The following PSD3 variants were observed in gnomAD, a reference collection of about 807,000 sequenced individuals.
The protein encoded by PSD3 is PH and SEC7 domain-containing protein 3.
In PSD3, 49 loss-of-function variants were observed where a neutral mutation model predicts 105.5. The ratio of observed to expected loss-of-function variants is 0.46; its 90% CI spans 0.37 to 0.59. The LOEUF (loss-of-function observed/expected upper bound fraction) is 0.59, where lower values mean the gene tolerates loss of function less well. PSD3 is among the 20% of genes least tolerant of loss of function. The pLI is 0.00. For missense variants in PSD3, 1,561 were observed against 1,263.8 expected (o/e 1.24, Z -3.57); for synonymous variants, 557 against 457.8 (o/e 1.22, Z -2.77).
Position 18,910,940 on chromosome 8 carries a change from T to TAA in PSD3, c.130+25092_130+25093dup, listed in dbSNP as rs541983680. ...TGTCTCTACATAAAATTCAAAAAAA[T>TAA]AAAAAAAAAAAAAATAAGTTAGCCA... is the stretch of plus-strand genomic sequence containing the variant. On this transcript the variant is annotated intron_variant, in intron 2 of 15. Coordinates refer to ENST00000327040, the MANE Select transcript of PSD3 (RefSeq NM_015310.4). 6.1e-4 allele frequency among the ~76,000 whole-genome samples: 83 copies of TAA among 136,268 alleles called. 2 individuals carry two copies. In the South Asian group the frequency reaches 0.018, roughly 30 times the overall value. The allele number at this position is 136,268 out of a possible 152,430, so 89.4% of individuals were successfully genotyped here. A position where few individuals can be genotyped will look rare whatever the true frequency, so the allele number is the denominator to read the frequency against.
intron 12 of PSD3, among the ~76,000 whole-genome samples, chr8:18,588,454 C>T (rs908446388): frequency 1.3e-5 from 2 of 152,102 alleles, no homozygotes; most frequent in African/African-American, 4.8e-5. Context: ...AACATGGCCA[C>T]CCTTTTGCAG....
intron 9 of PSD3, among the ~76,000 whole-genome samples, chr8:18,761,915 C>G (rs771991474): frequency 6.6e-6 from 1 of 152,148 alleles, no homozygotes; most frequent in Non-Finnish European, 1.5e-5. Context: ...ACCAGATGAT[C>G]TGGCCTATTT....
chr8:18,612,946 G>A (rs1805373750), intron 11 of PSD3, among the ~76,000 whole-genome samples: 1 of 152,082 alleles, frequency 6.6e-6, no homozygotes, highest in South Asian at 2.1e-4. Flanking sequence ...GCCAGGAGAC[G>A]GTTTCACTGG....
At chr8:18,699,858 TC>T (rs1801472365) in intron 9 of PSD3, among the ~76,000 whole-genome samples, 1 of 150,274 alleles carries the variant, frequency 6.7e-6, no homozygotes, top group South Asian at 2.1e-4. Flanking sequence ...AATAATGAGA[TC>T]CCCACCCAAA....
intron 1 of PSD3, among the ~76,000 whole-genome samples, chr8:18,964,330 C>T (rs1824113258): frequency 6.6e-6 from 1 of 152,056 alleles, no homozygotes; most frequent in South Asian, 2.1e-4. Flanking sequence ...CACTATGTTG[C>T]CCAAACTGGT....
chr8:18,820,856 C>G (rs1007803504), intron 4 of PSD3, among the ~76,000 whole-genome samples: 1 of 86,526 alleles, frequency 1.2e-5, no homozygotes, highest in South Asian at 5.2e-4. Flanking sequence ...TGGGCACAGG[C>G]AATCCTCCCT....
chr8:18,946,312 C>T (rs1490876914), intron 1 of PSD3, among the ~76,000 whole-genome samples: 2 of 152,160 alleles, frequency 1.3e-5, no homozygotes, highest in African/African-American at 4.8e-5. Flanking sequence ...TGCGGTGGCT[C>T]ATGCTGTAAT....
Position 18,867,563 on chromosome 8 carries a change from G to A in PSD3, c.1634+111C>T, listed in dbSNP as rs1043695839. 184 of 1,343,624 alleles carry A rather than the reference G, an allele frequency of 1.4e-4. 1 individual carries two copies. The highest frequency in any genetic ancestry group is 2.0e-4 in the Middle Eastern group (1 of 4,970). 83.2% of individuals were successfully genotyped at this position (1,343,624 alleles called of 1,614,324 possible). A position where few individuals can be genotyped will look rare whatever the true frequency, so the allele number is the denominator to read the frequency against. The stretch of plus-strand genomic sequence containing the variant: ...CTTTTTACTCACATCATTTGCTTAT[G>A]TCCACAGAAATTGGCCAAATGATTT... On this transcript the variant is annotated intron_variant, in intron 4 of 15. Coordinates refer to ENST00000327040, the MANE Select transcript of PSD3 (RefSeq NM_015310.4).
chr8:18,605,104 T>C (rs1804721016), intron 11 of PSD3, among the ~76,000 whole-genome samples: 1 of 152,128 alleles, frequency 6.6e-6, no homozygotes, highest in Non-Finnish European at 1.5e-5. Flanking sequence ...AAAGGGCCAT[T>C]GTCCTCCAGA....
At chr8:18,660,790 C>T (rs1438275621) in intron 9 of PSD3, among the ~76,000 whole-genome samples, 1 of 152,202 alleles carries the variant, frequency 6.6e-6, no homozygotes, top group Non-Finnish European at 1.5e-5. Flanking sequence ...ACTGTAATTT[C>T]TGTAACTTAA....
chr8:19,061,942 C>T (rs1005705459), intron 1 of PSD3, among the ~76,000 whole-genome samples: 1 of 152,150 alleles, frequency 6.6e-6, no homozygotes, highest in African/African-American at 2.4e-5. Context: ...AACTTCCCAA[C>T]AACTTTCCCT....
chr8:18,763,286 G>C (rs754988971), intron 9 of PSD3, among the ~76,000 whole-genome samples: 37 of 151,994 alleles, frequency 2.4e-4, no homozygotes, highest in Non-Finnish European at 5.1e-4. Flanking sequence ...CCTAATAAAG[G>C]TCATAATTTT....
intron 1 of PSD3, among the ~76,000 whole-genome samples, chr8:18,991,379 C>T (rs1215842540): frequency 2.7e-4 from 40 of 147,814 alleles, no homozygotes; most frequent in African/African-American, 7.6e-4. Context: ...CACATACACA[C>T]ACACACACAC....
chr8:18,846,770 A>T (rs1490781027), intron 4 of PSD3, among the ~76,000 whole-genome samples: 1 of 152,152 alleles, frequency 6.6e-6, no homozygotes, highest in African/African-American at 2.4e-5. Flanking sequence ...CTCACTTGCC[A>T]CATCTCTCTA....
In PSD3 at chr8:18,882,869, G is replaced by A. The variant is rs201375206; in HGVS notation, c.131-10136C>T. 1.1e-4 allele frequency among the ~76,000 whole-genome samples: 17 copies of A among 150,054 alleles called. No homozygotes were observed. In the East Asian group the frequency reaches 2.2e-3, roughly 19 times the overall value. On this transcript the variant is annotated intron_variant, in intron 2 of 15. Transcript: ENST00000327040. ...TATACACACACACACACACACGCAC[G>A]CACACACACACAGATATCCATATAT...
rs1799680223 is a variant in PSD3 at position 18,532,665 on chromosome 8, T to C, written c.*3078A>G. ...TTAGCAAAATGATGTTTCAAAAAAG[T>C]GCACTTCAGAAATGCCTACGGGCTG... On this transcript the variant is annotated 3_prime_UTR_variant, in exon 16 of 16. Transcript: ENST00000327040. 6.6e-6 allele frequency: 1 copy of C among 152,188 alleles called. No individual in the cohort carries two copies. Among genetic ancestry groups the C allele is most frequent in the Non-Finnish European group, 1.5e-5 (1 of 68,036 alleles). 9.4% of individuals were successfully genotyped at this position (152,188 alleles called of 1,614,324 possible).
intron 4 of PSD3, among the ~76,000 whole-genome samples, chr8:18,837,089 T>C (rs1212257678): frequency 6.6e-6 from 1 of 151,370 alleles, no homozygotes; most frequent in Non-Finnish European, 1.5e-5. Flanking sequence ...AAGGTAGGAG[T>C]GAGGAGCTAT....
In PSD3 at chr8:19,078,161, G is replaced by A. The variant is rs116650578; in HGVS notation, c.324+6045C>T. 3.8e-3 allele frequency among the ~76,000 whole-genome samples: 581 copies of A among 152,076 alleles called. 7 individuals carry two copies. Among genetic ancestry groups the A allele is most frequent in the African/African-American group, 0.013 (549 of 41,498 alleles). On this transcript the variant is annotated intron_variant, in intron 1 of 1. Transcript: ENST00000521475. ...GATTCCTTCCTCGGCCTCCCAAAGCGCTGGGATTACAGGCATGAGTCACCG... is the reference window on the plus strand; with the variant it reads ...GATTCCTTCCTCGGCCTCCCAAAGCACTGGGATTACAGGCATGAGTCACCG...
intron 10 of PSD3, among the ~76,000 whole-genome samples, chr8:18,643,735 G>C (rs1362711633): frequency 6.6e-6 from 1 of 152,210 alleles, no homozygotes; most frequent in Non-Finnish European, 1.5e-5. Context: ...CAAGGCCTCA[G>C]GCAGCCCCAA....
Sources: allele counts gnomAD v4.1 joint callset (sites outside exome capture counted in the v4.1 genomes callset), GRCh38; gene constraint gnomAD v4.1.1; transcripts MANE v1.5; gene names NCBI Gene and HGNC (gene_info 2026-07-23, HGNC 2026-07-21).